ANKRD40CL: variants seen among roughly 807,000 people sequenced by gnomAD.
ANKRD40CL encodes the protein ANKRD40 C-terminal like.
For synonymous variants in ANKRD40CL, 5 were observed against 2.3 expected (o/e 2.14, Z -1.04); for missense variants, 11 against 6.4 (o/e 1.71, Z -0.77).
intron 2 of ANKRD40CL, 149 bp downstream of exon 2, chr17:50,766,725 T>C (rs1766965643): frequency 1.8e-6 from 1 of 559,178 alleles, no homozygotes; most frequent in African/African-American, 1.9e-5. Context: ...ACCTTTGGTC[T>C]AGTTGCTCTG....
intron 2 of ANKRD40CL, among the ~76,000 whole-genome samples, chr17:50,765,274 T>C (rs1272879585): frequency 6.6e-6 from 1 of 152,260 alleles, no homozygotes; most frequent in Non-Finnish European, 1.5e-5. Flanking sequence ...AAAACATGGC[T>C]ACTAGCAATT....
In ANKRD40CL at chr17:50,761,324, A is replaced by G. The variant is rs1342028105; in HGVS notation, c.*39T>C. The G allele has an allele frequency of 5.0e-6, 2 of 396,890 alleles. No individual in the cohort carries two copies. The highest frequency in any genetic ancestry group is 3.6e-5 in the East Asian group (1 of 27,964). The allele number at this position is 396,890 out of a possible 1,614,324, so 24.6% of individuals were successfully genotyped here. On this transcript the variant is annotated 3_prime_UTR_variant, in exon 4 of 4. Transcript: ENST00000450727. ...TGGCTTCCTAAAGTGCTGGGATTAC[A>G]GGGGGTGAGCCACCATGCGCGGCCA... is the stretch of plus-strand genomic sequence containing the variant.
intron 2 of ANKRD40CL, chr17:50,764,422 T>C: frequency 5.1e-6 from 2 of 394,258 alleles, no homozygotes; most frequent in Non-Finnish European, 8.9e-6. Context: ...TGAAGAGTAA[T>C]TTTCTTTAAT....
intron 2 of ANKRD40CL, chr17:50,764,425 T>A: frequency 2.5e-6 from 1 of 393,926 alleles, no homozygotes; most frequent in Non-Finnish European, 4.5e-6. Flanking sequence ...AGAGTAATTT[T>A]CTTTAATCAC....
In ANKRD40CL at chr17:50,766,930, G is replaced by A. The variant is rs967164930; in HGVS notation, c.-17C>T. On this transcript the variant is annotated 5_prime_UTR_variant, in exon 2 of 4. The change creates a new upstream start codon in the 5' untranslated region. Transcript: ENST00000450727. Reference sequence around the variant, plus strand: ...TTCAGCCATGAGTCACCTCTAGTCCGTCAGATGTGCAGCCCCTCTCGCATT... The same window carrying A: ...TTCAGCCATGAGTCACCTCTAGTCCATCAGATGTGCAGCCCCTCTCGCATT... The A allele has an allele frequency of 2.4e-5, 17 of 700,238 alleles. No homozygotes were observed. Among genetic ancestry groups the A allele is most frequent in the Admixed American group, 8.0e-5 (4 of 49,880 alleles). The allele number at this position is 700,238 out of a possible 1,614,324, so 43.4% of individuals were successfully genotyped here.
chr17:50,761,033 A>ATTATTTATTTATTTAT lies in ANKRD40CL; in HGVS notation c.*314_*329dup, dbSNP rs58902684. ...TTCAGTTTTTTAATTCCTGGGATTG[A>ATTATTTATTTATTTAT]TTATTTATTTATTTATTTATTTTGA... On this transcript the variant is annotated 3_prime_UTR_variant, in exon 4 of 4. Coordinates refer to ENST00000450727, the MANE Select transcript of ANKRD40CL (RefSeq NM_001358683.3). 25,506 of 148,532 alleles carry ATTATTTATTTATTTAT rather than the reference A, an allele frequency of 0.17. 2,408 individuals carry two copies. The highest frequency in any genetic ancestry group is 0.27 in the East Asian group (1,361 of 5,066). 9.2% of individuals were successfully genotyped at this position (148,532 alleles called of 1,614,324 possible).
rs149338485 is a variant in ANKRD40CL at position 50,766,442 on chromosome 17, G to A, written c.40+432C>T. The A allele has an allele frequency of 1.2e-3, 209 of 167,758 alleles. 1 individual carries two copies. The highest frequency in any genetic ancestry group is 4.7e-3 in the African/African-American group (196 of 41,994). The allele number at this position is 167,758 out of a possible 1,614,324, so 10.4% of individuals were successfully genotyped here. On this transcript the variant is annotated intron_variant, in intron 2 of 3. Transcript: ENST00000450727. ...GGTCAATGTGTCAGCTCTGTGAACG[G>A]CCAGAGTCTCATAGAGGTCACAAAG...
At chr17:50,764,438 C>G (rs1019258647) in intron 2 of ANKRD40CL, 14 of 391,108 alleles carry the variant, frequency 3.6e-5, no homozygotes, top group Admixed American at 1.3e-4. Flanking sequence ...TTAATCACCA[C>G]CCAAATCATG....
chr17:50,761,394 T>G lies in ANKRD40CL; in HGVS notation c.314A>C (p.Tyr105Ser), dbSNP rs1202187246. 7.5e-6 allele frequency: 3 copies of G among 398,776 alleles called. No homozygotes were observed. Among genetic ancestry groups the G allele is most frequent in the Non-Finnish European group, 1.3e-5 (3 of 225,992 alleles). The allele number at this position is 398,776 out of a possible 1,614,324, so 24.7% of individuals were successfully genotyped here. A position where few individuals can be genotyped will look rare whatever the true frequency, so the allele number is the denominator to read the frequency against. Reference protein sequence around the residue: ...YVPSLTERPCYDSKAAKMTY With the variant: ...YVPSLTERPCSDSKAAKMTY The stretch of plus-strand genomic sequence containing the variant: ...AGTCATTTTTGCAGCTTTGCTATCA[T>G]AGCAGGGCCTTTCTGTCAGAGATGG... Residue 105 changes from tyrosine (Y) to serine (S), a missense_variant, in exon 4 of 4, where the codon TAT becomes TCT. Coordinates refer to ENST00000450727, the MANE Select transcript of ANKRD40CL (RefSeq NM_001358683.3).
intron 2 of ANKRD40CL, 22 bp downstream of exon 2, chr17:50,766,852 G>C (rs145436333): frequency 7.8e-6 from 5 of 639,446 alleles, no homozygotes; most frequent in Non-Finnish European, 1.4e-5. Flanking sequence ...GACCATGTTG[G>C]GAACAGGACT....
At chr17:50,762,792 T>C (rs1455499742) in intron 3 of ANKRD40CL, 1 of 152,142 alleles carries the variant, frequency 6.6e-6, no homozygotes, top group East Asian at 1.9e-4. Flanking sequence ...TGTTTTTTTT[T>C]TTCCTGAGGA....
At chr17:50,764,150 GGGC>G in intron 2 of ANKRD40CL, 1 of 398,658 alleles carries the variant, frequency 2.5e-6, no homozygotes, top group Non-Finnish European at 4.4e-6. Flanking sequence ...GGTCACATAG[GGGC>G]TGAGTCTTCA....
intron 2 of ANKRD40CL, among the ~76,000 whole-genome samples, chr17:50,766,368 G>A (rs1040482052): frequency 2.0e-5 from 3 of 152,134 alleles, no homozygotes; most frequent in African/African-American, 7.2e-5. Context: ...CACACAGCCC[G>A]AGAACTTTCC....
intron 3 of ANKRD40CL, 46 bp downstream of exon 3, chr17:50,763,351 G>C (rs977240485): frequency 5.0e-6 from 2 of 399,040 alleles, no homozygotes; most frequent in South Asian, 2.5e-4. Flanking sequence ...CAGAGAACAT[G>C]ATGTCACCCA....
intron 2 of ANKRD40CL, chr17:50,764,131 T>G: frequency 2.5e-6 from 1 of 398,706 alleles, no homozygotes; most frequent in Non-Finnish European, 4.4e-6. Context: ...CAGTTTGGCT[T>G]TGCAACCTGG....
rs1971240923 is a variant in ANKRD40CL at position 50,763,477 on chromosome 17, T to TC, written c.120_121insG (p.Asn41GlufsTer6). On this transcript the variant is annotated frameshift_variant, in exon 3 of 4. Coordinates refer to ENST00000450727, the MANE Select transcript of ANKRD40CL (RefSeq NM_001358683.3). LOFTEE classifies it high-confidence loss of function. Reference sequence around the variant, plus strand: ...ATCCCCAGTTCACAGCAACTCACGTTTAGTAGGTTTTGGTAACTCAGTTCT... The same window carrying TC: ...ATCCCCAGTTCACAGCAACTCACGTTCTAGTAGGTTTTGGTAACTCAGTTCT... 2.5e-6 allele frequency: 1 copy of TC among 399,058 alleles called. No homozygotes were observed. The highest frequency in any genetic ancestry group is 4.4e-6 in the Non-Finnish European group (1 of 226,064). The allele number at this position is 399,058 out of a possible 1,614,324, so 24.7% of individuals were successfully genotyped here.
intron 2 of ANKRD40CL, chr17:50,764,085 A>G (rs760722543): frequency 4.0e-4 from 160 of 398,472 alleles, no homozygotes; most frequent in Non-Finnish European, 6.1e-4. Flanking sequence ...GAGAAGATAC[A>G]GTATGAACTA....
At chr17:50,767,118 A>G in intron 1 of ANKRD40CL, 107 bp from the exon 2 acceptor site, 1 of 679,262 alleles carries the variant, frequency 1.5e-6, no homozygotes, top group Non-Finnish European at 2.7e-6. Flanking sequence ...CATGATTTGC[A>G]CAGGGTGAGG....
At position 50,761,493 on chromosome 17, in the gene ANKRD40CL, C is replaced by T. The variant is rs185407966; in HGVS notation, c.215G>A (p.Arg72Gln). The stretch of plus-strand genomic sequence containing the variant: ...CACTTCCTGAAAGTCCCGCAGTCTT[C>T]GAATGTCTTTGTCCTTAATGTAGAA... ...NTLLRKDKDI[R>Q]RLRDFQEVEL... The change falls in exon 4 of 4, where the codon CGA (arginine) becomes CAA (glutamine). Residue 72 changes from arginine (R) to glutamine (Q), a missense_variant. Arg to Gln is a conservative substitution (Grantham distance 43, BLOSUM62 1). Coordinates refer to ENST00000450727, the MANE Select transcript of ANKRD40CL (RefSeq NM_001358683.3). The T allele has an allele frequency of 1.3e-5, 5 of 398,928 alleles. No homozygotes were observed. Among genetic ancestry groups the T allele is most frequent in the Admixed American group, 4.4e-5 (1 of 22,724 alleles). 24.7% of individuals were successfully genotyped at this position (398,928 alleles called of 1,614,324 possible). A position where few individuals can be genotyped will look rare whatever the true frequency, so the allele number is the denominator to read the frequency against.
Sources: allele counts gnomAD v4.1 joint callset (sites outside exome capture counted in the v4.1 genomes callset), GRCh38; gene constraint gnomAD v4.1.1; transcripts MANE v1.5; gene names NCBI Gene and HGNC (gene_info 2026-07-23, HGNC 2026-07-21).